KCNMA1: variants seen among roughly 807,000 people sequenced by gnomAD.
KCNMA1 encodes Calcium-activated potassium channel subunit alpha-1.
KCNMA1 carries 29 observed loss-of-function variants against 140.0 expected under a neutral mutation model. The observed-to-expected ratio is 0.21, with a 90% CI of 0.15 to 0.28. KCNMA1 has a LOEUF of 0.28. Among genes scored for constraint, KCNMA1 ranks in the 10% least tolerant of loss-of-function variants. KCNMA1 has a pLI of 1.00. For synonymous variants in KCNMA1, 612 were observed against 611.9 expected (o/e 1.00, Z 0.00); for missense variants, 880 against 1,602.2 (o/e 0.55, Z 7.70).
chr10:77,269,030 C>T (rs1370823542), intron 2 of KCNMA1, among the ~76,000 whole-genome samples: 1 of 152,202 alleles, frequency 6.6e-6, no homozygotes, highest in East Asian at 1.9e-4. Context: ...TGCTTTCCCA[C>T]TGCACAAGGG....
At chr10:77,090,549 C>T (rs200834669) in intron 9 of KCNMA1, 39 bp from the exon 10 acceptor site, 27 of 1,344,454 alleles carry the variant, frequency 2.0e-5, no homozygotes, top group African/African-American at 7.2e-5. Context: ...CCAGGCACCA[C>T]GACAGGACCC....
At chr10:77,585,751 G>A (rs984330741) in intron 1 of KCNMA1, among the ~76,000 whole-genome samples, 2 of 152,080 alleles carry the variant, frequency 1.3e-5, no homozygotes, top group Non-Finnish European at 2.9e-5. Flanking sequence ...CTAAAAACAG[G>A]TCCTCACCAC....
At chr10:77,493,585 C>T (rs2154542468) in intron 1 of KCNMA1, among the ~76,000 whole-genome samples, 1 of 152,304 alleles carries the variant, frequency 6.6e-6, no homozygotes, top group Non-Finnish European at 1.5e-5. Flanking sequence ...AGCTCATCAC[C>T]CTCCTAGAGT....
At chr10:77,055,727 C>T (rs905323884) in intron 14 of KCNMA1, among the ~76,000 whole-genome samples, 3 of 152,106 alleles carry the variant, frequency 2.0e-5, no homozygotes, top group Admixed American at 2.0e-4. Context: ...CAGATGTGAA[C>T]ACAATCACAG....
chr10:77,376,648 A>G (rs1486753604), intron 2 of KCNMA1: 1 of 142,332 alleles, frequency 7.0e-6, no homozygotes, highest in Non-Finnish European at 1.5e-5. Context: ...ATTAAAAAAA[A>G]AAAATGAGGC....
chr10:77,338,191 C>G (rs1261957529), intron 2 of KCNMA1, among the ~76,000 whole-genome samples: 1 of 152,170 alleles, frequency 6.6e-6, no homozygotes, highest in Non-Finnish European at 1.5e-5. Flanking sequence ...CAGCTACCTT[C>G]TTTCGGAGAT....
chr10:77,027,891 C>G lies in KCNMA1; in HGVS notation c.1860G>C (p.Glu620Asp), dbSNP rs770226520. The change falls in exon 16 of 28, where the codon GAG becomes GAC. Residue 620 changes from glutamate to aspartate, a missense_variant and splice_region_variant. Glu to Asp is a conservative substitution (Grantham distance 45). Transcript: ENST00000286628. ...FVGLSFPTVC[E>D]LCFVKLKLLM... ...GGAGCTTGAGCTTCACAAAACACAG[C>G]CTGCAATGAGATGGAGAAGCCTCCC... 5 of 1,613,242 alleles carry G rather than the reference C, an allele frequency of 3.1e-6. No individual in the cohort carries two copies. Among genetic ancestry groups the G allele is most frequent in the Non-Finnish European group, 8.5e-7 (1 of 1,179,588 alleles).
chr10:77,310,643 G>C (rs1240333773), intron 2 of KCNMA1, among the ~76,000 whole-genome samples: 1 of 152,196 alleles, frequency 6.6e-6, no homozygotes, highest in Non-Finnish European at 1.5e-5. Context: ...AGACAGACGA[G>C]CTTTGGAGGA....
chr10:76,906,915 A>G (rs1813596596), intron 25 of KCNMA1, among the ~76,000 whole-genome samples: 2 of 152,244 alleles, frequency 1.3e-5, no homozygotes, highest in South Asian at 2.1e-4. Context: ...TTCATCCTAG[A>G]CAATGAAAAC....
chr10:77,336,767 T>C (rs994496188), intron 2 of KCNMA1, among the ~76,000 whole-genome samples: 6 of 152,188 alleles, frequency 3.9e-5, no homozygotes, highest in Non-Finnish European at 7.3e-5. Context: ...GAGAGATGAA[T>C]ACTCATCCTC....
At chr10:77,171,440 TG>T (rs2098707740) in intron 5 of KCNMA1, among the ~76,000 whole-genome samples, 6 of 146,104 alleles carry the variant, frequency 4.1e-5, no homozygotes. Flanking sequence ...TGTGTGTGTG[TG>T]TTGAAGTTTC....
intron 2 of KCNMA1, among the ~76,000 whole-genome samples, chr10:77,320,264 T>C (rs1281258537): frequency 1.3e-5 from 2 of 151,428 alleles, no homozygotes; most frequent in African/African-American, 4.9e-5. Context: ...GGGAAGTGCA[T>C]GAAAAAGGTA....
chr10:76,945,053 G>A lies in KCNMA1; in HGVS notation c.2710-88C>T, dbSNP rs1057441233. ...AGAGGAGCAAAAGTGAGAGGAGAGGGAAAGAGGAAAACAAATTAAAGATTG... is the reference window on the plus strand; with the variant it reads ...AGAGGAGCAAAAGTGAGAGGAGAGGAAAAGAGGAAAACAAATTAAAGATTG... On this transcript the variant is annotated intron_variant, in intron 22 of 27. Transcript: ENST00000286628. The A allele has an allele frequency of 6.4e-6, 7 of 1,086,082 alleles. No individual in the cohort carries two copies. The African/African-American group carries it at 1.1e-4, about 17-fold the overall frequency. The allele number at this position is 1,086,082 out of a possible 1,614,324, so 67.3% of individuals were successfully genotyped here.
At chr10:77,230,346 T>C (rs910941549) in intron 3 of KCNMA1, among the ~76,000 whole-genome samples, 2 of 152,202 alleles carry the variant, frequency 1.3e-5, no homozygotes, top group Non-Finnish European at 2.9e-5. Flanking sequence ...TTTACAGAAA[T>C]GTCTTGACTA....
intron 2 of KCNMA1, among the ~76,000 whole-genome samples, chr10:77,384,424 G>C (rs189619138): frequency 6.6e-5 from 10 of 152,314 alleles, no homozygotes; most frequent in Non-Finnish European, 1.3e-4. Context: ...ATCATTGGTG[G>C]CTGACGAAGC....
At chr10:77,534,082 G>A (rs1480820665) in intron 1 of KCNMA1, among the ~76,000 whole-genome samples, 1 of 152,134 alleles carries the variant, frequency 6.6e-6, no homozygotes, top group Non-Finnish European at 1.5e-5. Flanking sequence ...TTCCCCCTCA[G>A]GGCGTTACCA....
intron 14 of KCNMA1, among the ~76,000 whole-genome samples, chr10:77,064,979 A>G (rs777207546): frequency 2.0e-5 from 3 of 152,188 alleles, no homozygotes; most frequent in Admixed American, 6.5e-5. Flanking sequence ...TGGCAAGGGA[A>G]TCATATACAG....
chr10:77,511,143 C>T (rs903526444), intron 1 of KCNMA1, among the ~76,000 whole-genome samples: 1 of 152,202 alleles, frequency 6.6e-6, no homozygotes, highest in African/African-American at 2.4e-5. Context: ...GTTAAACCAG[C>T]GTCCTGGGCC....
chr10:77,106,992 G>A (rs1187637281), intron 9 of KCNMA1, among the ~76,000 whole-genome samples: 3 of 152,262 alleles, frequency 2.0e-5, no homozygotes, highest in East Asian at 3.9e-4. Context: ...GAAAGGAAAC[G>A]GGTGTCCTGT....
Sources: allele counts gnomAD v4.1 joint callset (sites outside exome capture counted in the v4.1 genomes callset), GRCh38; gene constraint gnomAD v4.1.1; transcripts MANE v1.5; gene names NCBI Gene and HGNC (gene_info 2026-07-23, HGNC 2026-07-21).